CLEC16A: variants seen among roughly 807,000 people sequenced by gnomAD.
CLEC16A encodes C-type lectin domain containing 16A, also known as protein CLEC16A.
Under a neutral mutation model 109.5 loss-of-function variants are expected in CLEC16A, and 51 were observed. The observed-to-expected ratio is 0.47, with a 90% CI of 0.37 to 0.59. The LOEUF (loss-of-function observed/expected upper bound fraction) is 0.59, where lower values mean the gene tolerates loss of function less well. Among genes scored for constraint, CLEC16A ranks in the 20% least tolerant of loss-of-function variants. The pLI is 0.00. For synonymous variants in CLEC16A, 673 were observed against 564.2 expected, an observed-to-expected ratio of 1.19 and a Z score of -2.73; for missense variants, 1,339 against 1,394.0, an observed-to-expected ratio of 0.96 and a Z score of 0.63.
At chr16:11,072,985 C>A (rs2049153753) in intron 19 of CLEC16A, among the ~76,000 whole-genome samples, 1 of 152,098 alleles carries the variant, frequency 6.6e-6, no homozygotes, top group South Asian at 2.1e-4. Context: ...GAGCTGAAAC[C>A]ACAGGATGGG....
At position 11,027,629 on chromosome 16, in the gene CLEC16A, C is replaced by T. The variant is rs1389876484; in HGVS notation, c.1537+2708C>T. On this transcript the variant is annotated intron_variant, in intron 13 of 23. Transcript: ENST00000409790. ...TCCCAGGGAAGCATTTCCAGGAGATCTCATGGTTCTTGCGCCCTTTCCACC... is the reference window on the plus strand; with the variant it reads ...TCCCAGGGAAGCATTTCCAGGAGATTTCATGGTTCTTGCGCCCTTTCCACC... The T allele has an allele frequency of 1.9e-5, 30 of 1,557,260 alleles. No homozygotes were observed. In the Admixed American group the frequency reaches 4.5e-4, roughly 23 times the overall value.
At chr16:11,085,830 G>T (rs2049980215) in intron 19 of CLEC16A, among the ~76,000 whole-genome samples, 1 of 152,168 alleles carries the variant, frequency 6.6e-6, no homozygotes, top group South Asian at 2.1e-4. Context: ...GGGCTTAAGT[G>T]ACCCTCCCAC....
chr16:11,062,152 A>C (rs1397475274), intron 19 of CLEC16A, among the ~76,000 whole-genome samples: 2 of 137,562 alleles, frequency 1.5e-5, no homozygotes, highest in Non-Finnish European at 3.1e-5. Context: ...GGAGGGAGGG[A>C]GGGCCAGTTC....
chr16:10,972,909 CTTT>C, intron 6 of CLEC16A, 26 bp from the exon 7 acceptor site: 2 of 1,521,144 alleles, frequency 1.3e-6, no homozygotes, highest in Admixed American at 2.2e-5. Context: ...GGTAGCTTGA[CTTT>C]TTTTTTCTTC....
chr16:10,946,930 A>C (rs1408844861), intron 1 of CLEC16A, among the ~76,000 whole-genome samples: 1 of 152,216 alleles, frequency 6.6e-6, no homozygotes, highest in Non-Finnish European at 1.5e-5. Context: ...TGCTCATTAT[A>C]CTGTCTTTCT....
intron 22 of CLEC16A, among the ~76,000 whole-genome samples, chr16:11,128,181 T>C (rs369134451): frequency 1.3e-5 from 2 of 152,250 alleles, no homozygotes; most frequent in South Asian, 4.1e-4. Flanking sequence ...TCTGAGCCCT[T>C]TTGGAACAAG....
At chr16:11,055,657 G>A (rs952054541) in intron 18 of CLEC16A, among the ~76,000 whole-genome samples, 8 of 130,180 alleles carry the variant, frequency 6.1e-5, no homozygotes, top group Non-Finnish European at 9.3e-5. Context: ...GCATGATCTC[G>A]GCTCACTGCA....
intron 1 of CLEC16A, among the ~76,000 whole-genome samples, chr16:10,952,625 C>A (rs557967120): frequency 6.6e-6 from 1 of 152,280 alleles, no homozygotes; most frequent in East Asian, 1.9e-4. Context: ...CAGCCTTTCC[C>A]CCCATTACAT....
At chr16:10,991,454 C>T (rs2044007006) in intron 10 of CLEC16A, among the ~76,000 whole-genome samples, 1 of 147,472 alleles carries the variant, frequency 6.8e-6, no homozygotes, top group East Asian at 2.0e-4. Context: ...AAAAGAACAG[C>T]CAGTGCAAAG....
intron 18 of CLEC16A, among the ~76,000 whole-genome samples, chr16:11,054,933 T>C (rs1241242679): frequency 3.1e-5 from 3 of 95,994 alleles, no homozygotes; most frequent in Admixed American, 1.0e-4. Flanking sequence ...GTTTTCTTTC[T>C]TTTTTTTTTT....
intron 22 of CLEC16A, among the ~76,000 whole-genome samples, chr16:11,145,411 G>T (rs1050889952): frequency 6.6e-6 from 1 of 152,208 alleles, no homozygotes; most frequent in South Asian, 2.1e-4. Context: ...AATGTCATCC[G>T]CGGCCTCTCC....
intron 22 of CLEC16A, among the ~76,000 whole-genome samples, chr16:11,141,416 G>A (rs1399852527): frequency 6.6e-6 from 1 of 152,236 alleles, no homozygotes; most frequent in Non-Finnish European, 1.5e-5. Flanking sequence ...GGGGATACCT[G>A]AAGTGGTGGG....
intron 22 of CLEC16A, among the ~76,000 whole-genome samples, chr16:11,164,616 C>T (rs776451202): frequency 9.2e-5 from 14 of 152,202 alleles, no homozygotes; most frequent in Non-Finnish European, 1.6e-4. Flanking sequence ...TGCTTCTGTC[C>T]AGAGCCAGGT....
At chr16:11,115,262 A>T (rs983729044) in intron 19 of CLEC16A, among the ~76,000 whole-genome samples, 2 of 152,040 alleles carry the variant, frequency 1.3e-5, no homozygotes, top group African/African-American at 4.8e-5. Context: ...AAAGGAGAGG[A>T]GGGGGAAGGA....
At chr16:11,029,171 C>T (rs1186536336) in intron 13 of CLEC16A, among the ~76,000 whole-genome samples, 4 of 152,078 alleles carry the variant, frequency 2.6e-5, no homozygotes. Flanking sequence ...GTCCAGACAG[C>T]CTTCAGTTTA....
At chr16:11,086,646 G>A (rs893728101) in intron 19 of CLEC16A, among the ~76,000 whole-genome samples, 7 of 152,146 alleles carry the variant, frequency 4.6e-5, no homozygotes, top group African/African-American at 1.2e-4. Flanking sequence ...AGGTTCAAGC[G>A]ATTCTCCTGC....
intron 19 of CLEC16A, among the ~76,000 whole-genome samples, chr16:11,074,107 A>G (rs1428177038): frequency 6.6e-6 from 1 of 152,108 alleles, no homozygotes; most frequent in Admixed American, 6.6e-5. Flanking sequence ...AGCTACCCCA[A>G]ATTATTTAAC....
At chr16:11,023,530 C>T (rs1240448757) in intron 12 of CLEC16A, among the ~76,000 whole-genome samples, 2 of 152,046 alleles carry the variant, frequency 1.3e-5, no homozygotes, top group Admixed American at 6.5e-5. Context: ...ATAAATGTCC[C>T]CTTTAAGATT....
intron 10 of CLEC16A, among the ~76,000 whole-genome samples, chr16:10,990,909 G>A (rs1014825820): frequency 1.4e-4 from 21 of 152,098 alleles, no homozygotes; most frequent in African/African-American, 3.4e-4. Context: ...CAGCCTCTTC[G>A]GATATTTGTG....
Sources: allele counts gnomAD v4.1 joint callset (sites outside exome capture counted in the v4.1 genomes callset), GRCh38; gene constraint gnomAD v4.1.1; transcripts MANE v1.5; gene names NCBI Gene and HGNC (gene_info 2026-07-23, HGNC 2026-07-21).